The following GDA variants were observed in gnomAD, a reference collection of about 807,000 sequenced individuals.
GDA encodes cytoplasmic PSD-95 interactor.
A neutral mutation model predicts 59.6 loss-of-function variants in GDA; 18 were observed. The ratio of observed to expected loss-of-function variants is 0.30; its 90% CI spans 0.21 to 0.45. GDA has a LOEUF of 0.45. Ranked by LOEUF, GDA falls within the 20% of genes least tolerant of loss-of-function variation. The pLI, the probability that GDA is intolerant of heterozygous loss-of-function variation, is 1.00. For synonymous variants in GDA, 201 were observed against 201.1 expected, an observed-to-expected ratio of 1.00 and a Z score of 0.00; for missense variants, 427 against 552.3, an observed-to-expected ratio of 0.77 and a Z score of 2.27.
In GDA at chr9:72,251,925, G is replaced by T. The variant is rs1840723701; in HGVS notation, c.*3583G>T. ...TGGAATTAAATGTAAATTCCAAGAG[G>T]GCTTTCACAGTCCACAGGGTTCAAA... On this transcript the variant is annotated 3_prime_UTR_variant, in exon 14 of 14. Coordinates refer to ENST00000358399, the MANE Select transcript of GDA (RefSeq NM_004293.5). 1.3e-5 allele frequency: 2 copies of T among 151,970 alleles called. No homozygotes were observed. The highest frequency in any genetic ancestry group is 1.3e-4 in the Admixed American group (2 of 15,224). The allele number at this position is 151,970 out of a possible 1,614,324, so 9.4% of individuals were successfully genotyped here. A position where few individuals can be genotyped will look rare whatever the true frequency, so the allele number is the denominator to read the frequency against.
chr9:72,130,724 AG>A (rs765253566), intron 1 of GDA, among the ~76,000 whole-genome samples: 1 of 152,228 alleles, frequency 6.6e-6, no homozygotes, highest in Non-Finnish European at 1.5e-5. Flanking sequence ...AGGCTTGGAA[AG>A]GGTCCATGAA....
In GDA at chr9:72,241,156, G is replaced by A. The variant is rs980772177; in HGVS notation, c.993G>A (p.Val331=). Residue 331 remains valine, a synonymous_variant, in exon 11 of 14, where the codon GTG becomes GTA. Coordinates refer to ENST00000358399, the MANE Select transcript of GDA (RefSeq NM_004293.5). ...HEVKIGLGTD[V]AGGYSYSMLD... ...GTTTTATTTTACCTACTGCAGACGT[G>A]GCTGGTGGCTATTCATATTCCATGC... 31 of 1,593,590 alleles carry A rather than the reference G, an allele frequency of 1.9e-5. No homozygotes were observed. In the Admixed American group the frequency reaches 5.2e-4, roughly 27 times the overall value.
chr9:72,183,432 G>A (rs1193713245), intron 1 of GDA, among the ~76,000 whole-genome samples: 1 of 151,926 alleles, frequency 6.6e-6, no homozygotes, highest in African/African-American at 2.4e-5. Context: ...GATCCACCAG[G>A]CCCACCTGCT....
chr9:72,166,206 C>G (rs1829289417), intron 1 of GDA, among the ~76,000 whole-genome samples: 1 of 152,144 alleles, frequency 6.6e-6, no homozygotes, highest in Non-Finnish European at 1.5e-5. Context: ...GGAAAACTAT[C>G]CCTGTGATCT....
chr9:72,179,911 C>T (rs1334761382), intron 1 of GDA, among the ~76,000 whole-genome samples: 1 of 151,616 alleles, frequency 6.6e-6, no homozygotes, highest in South Asian at 2.1e-4. Context: ...CTAATGATTT[C>T]ATTTTAACTT....
At chr9:72,124,438 T>A (rs1362018506) in intron 1 of GDA, among the ~76,000 whole-genome samples, 2 of 152,230 alleles carry the variant, frequency 1.3e-5, no homozygotes, top group African/African-American at 4.8e-5. Context: ...GATGTTAAAA[T>A]GTGAGACATA....
At chr9:72,125,191 G>T (rs1825802214) in intron 1 of GDA, among the ~76,000 whole-genome samples, 1 of 152,178 alleles carries the variant, frequency 6.6e-6, no homozygotes, top group South Asian at 2.1e-4. Context: ...TGTGCAAACT[G>T]CAGTCTTGCC....
intron 10 of GDA, among the ~76,000 whole-genome samples, chr9:72,240,261 T>C (rs544677246): frequency 1.3e-5 from 2 of 152,340 alleles, no homozygotes; most frequent in South Asian, 4.1e-4. Context: ...TTCTAAAAGC[T>C]CTTCATAAAA....
chr9:72,209,286 T>C (rs1208682717), intron 3 of GDA, among the ~76,000 whole-genome samples: 1 of 152,122 alleles, frequency 6.6e-6, no homozygotes, highest in East Asian at 1.9e-4. Context: ...TTAGATTTCT[T>C]ATTCTAAATG....
At chr9:72,174,767 G>T (rs542775512) in intron 1 of GDA, among the ~76,000 whole-genome samples, 1,694 of 151,876 alleles carry the variant, frequency 0.011, 12 homozygotes, top group Non-Finnish European at 0.018. Context: ...TATATAGAGA[G>T]AGAGAGAGAG....
chr9:72,148,982 G>T (rs375607276), upstream of GDA, among the ~76,000 whole-genome samples: 42 of 152,272 alleles, frequency 2.8e-4, no homozygotes, highest in African/African-American at 9.6e-4. Context: ...CCAGTTTAGG[G>T]GTCCCCAGAG....
chr9:72,188,352 C>T (rs963794542), intron 1 of GDA, among the ~76,000 whole-genome samples: 1 of 152,206 alleles, frequency 6.6e-6, no homozygotes, highest in Non-Finnish European at 1.5e-5. Context: ...GCAACCTACA[C>T]AGGCTCCCTG....
intron 1 of GDA, among the ~76,000 whole-genome samples, chr9:72,180,745 A>G (rs773181957): frequency 3.1e-4 from 47 of 152,338 alleles, no homozygotes; most frequent in Non-Finnish European, 5.9e-4. Flanking sequence ...AAGTTGGTTA[A>G]GCATCAGAGG....
intron 1 of GDA, among the ~76,000 whole-genome samples, chr9:72,184,892 C>T (rs953063827): frequency 6.6e-6 from 1 of 152,066 alleles, no homozygotes; most frequent in African/African-American, 2.4e-5. Context: ...GAGTTCATAT[C>T]AGAGCTTGGC....
intron 3 of GDA, among the ~76,000 whole-genome samples, 161 bp downstream of exon 3, chr9:72,202,903 C>T (rs1370408733): frequency 3.9e-5 from 6 of 152,134 alleles, no homozygotes; most frequent in Non-Finnish European, 8.8e-5. Context: ...TTTGTGACCA[C>T]CTCACCTACA....
intron 1 of GDA, among the ~76,000 whole-genome samples, chr9:72,190,118 T>G (rs1832350148): frequency 6.6e-6 from 1 of 152,102 alleles, no homozygotes; most frequent in South Asian, 2.1e-4. Flanking sequence ...TTTCTTGTTT[T>G]TTTGTTTGTT....
chr9:72,236,234 G>C (rs1838973276), intron 10 of GDA, among the ~76,000 whole-genome samples: 1 of 152,202 alleles, frequency 6.6e-6, no homozygotes, highest in African/African-American at 2.4e-5. Flanking sequence ...AGTGCCTGCA[G>C]TGGAGCATCT....
intron 10 of GDA, among the ~76,000 whole-genome samples, chr9:72,232,264 C>T (rs1432941708): frequency 6.6e-6 from 1 of 152,166 alleles, no homozygotes; most frequent in African/African-American, 2.4e-5. Flanking sequence ...TGGTTTTCAT[C>T]ACTTTCTGCA....
chr9:72,223,830 G>A (rs1007553938), intron 7 of GDA, among the ~76,000 whole-genome samples: 8 of 152,116 alleles, frequency 5.3e-5, no homozygotes, highest in African/African-American at 1.7e-4. Context: ...TCCCATCCAA[G>A]CTTAATTACA....
Sources: gnomAD v4.1 joint callset for allele counts (sites outside exome capture counted in the v4.1 genomes callset) on GRCh38, gnomAD v4.1.1 for gene constraint, MANE v1.5 for transcripts, NCBI Gene and HGNC (gene_info 2026-07-23, HGNC 2026-07-21) for gene names.